Variants in LARP1B observed in about 807,000 individuals in gnomAD.
The protein encoded by LARP1B is La ribonucleoprotein 1B.
LARP1B carries 76 observed loss-of-function variants against 114.2 expected under a neutral mutation model. That is an observed-to-expected ratio of 0.67 (90% CI 0.55 to 0.81). The LOEUF is 0.81. Ranked by LOEUF, LARP1B falls within the 30% of genes least tolerant of loss-of-function variation. The pLI is 0.00. For synonymous variants in LARP1B, 345 were observed against 348.0 expected (o/e 0.99, Z 0.10); for missense variants, 1,014 against 1,075.8 (o/e 0.94, Z 0.80).
At chr4:128,161,599 A>T (rs1738543370) in intron 11 of LARP1B, among the ~76,000 whole-genome samples, 2 of 152,130 alleles carry the variant, frequency 1.3e-5, no homozygotes, top group Admixed American at 1.3e-4. Context: ...TTCTACACAG[A>T]TTTTCTTAGT....
intron 12 of LARP1B, among the ~76,000 whole-genome samples, chr4:128,176,303 T>TA (rs1561497759): frequency 7.1e-4 from 100 of 141,228 alleles, no homozygotes; most frequent in Middle Eastern, 3.6e-3. Context: ...ATATATATAT[T>TA]TTTTTTTTAG....
chr4:128,199,708 G>A, intron 16 of LARP1B, 109 bp downstream of exon 16: 1 of 478,548 alleles, frequency 2.1e-6, no homozygotes, highest in Non-Finnish European at 3.4e-6. Context: ...TTTATTGTTA[G>A]ACTATACATA....
chr4:128,092,438 C>T (rs944382023), intron 7 of LARP1B, among the ~76,000 whole-genome samples: 6 of 152,070 alleles, frequency 3.9e-5, no homozygotes, highest in East Asian at 3.8e-4. Context: ...AAAAAACAAA[C>T]CCTATGCATA....
In LARP1B at chr4:128,200,613, A is replaced by G; in HGVS notation, c.2257A>G (p.Met753Val). The change falls in exon 17 of 20, where the codon ATG (methionine) becomes GTG (valine). Residue 753 changes from methionine (M) to valine (V), a missense_variant. Met to Val is a conservative substitution (Grantham distance 21). Transcript: ENST00000326639. ...CCTCAGAGATCACTTCAATAAAAAA[A>G]TGTATGAGGAATTTAGACAACTTGC... ...FFLRDHFNKK[M>V]YEEFRQLAWE... The G allele has an allele frequency of 6.3e-7, 1 of 1,591,736 alleles. No individual in the cohort carries two copies. The highest frequency in any genetic ancestry group is 1.2e-5 in the South Asian group (1 of 85,332).
At chr4:128,090,626 A>G (rs1002761576) in intron 5 of LARP1B, among the ~76,000 whole-genome samples, 4 of 152,230 alleles carry the variant, frequency 2.6e-5, no homozygotes, top group African/African-American at 9.6e-5. Context: ...ATTTACTTAA[A>G]TAGAACCATC....
chr4:128,155,116 T>C (rs1254210610), intron 11 of LARP1B, among the ~76,000 whole-genome samples: 1 of 152,112 alleles, frequency 6.6e-6, no homozygotes, highest in Non-Finnish European at 1.5e-5. Context: ...ATCTCTTTGG[T>C]CCCTTTTTGA....
intron 4 of LARP1B, among the ~76,000 whole-genome samples, chr4:128,078,997 T>C (rs1037571669): frequency 6.6e-6 from 1 of 152,130 alleles, no homozygotes; most frequent in Non-Finnish European, 1.5e-5. Context: ...GGAGGTGATA[T>C]GGCATGGGAG....
At chr4:128,108,953 A>G (rs973032357) in intron 9 of LARP1B, 4 of 434,962 alleles carry the variant, frequency 9.2e-6, no homozygotes, top group African/African-American at 8.6e-5. Context: ...GCATGCACAT[A>G]CATATTGTCT....
intron 10 of LARP1B, among the ~76,000 whole-genome samples, chr4:128,118,493 C>T (rs551380920): frequency 3.3e-5 from 5 of 151,932 alleles, no homozygotes; most frequent in African/African-American, 1.2e-4. Flanking sequence ...GCCTCAGCCT[C>T]CCAAAGTGCT....
At chr4:128,188,123 C>T (rs1034289877) in intron 15 of LARP1B, among the ~76,000 whole-genome samples, 6 of 150,798 alleles carry the variant, frequency 4.0e-5, no homozygotes, top group African/African-American at 1.5e-4. Context: ...TGCCCAGGCT[C>T]AAGTGCAGTG....
intron 10 of LARP1B, among the ~76,000 whole-genome samples, chr4:128,121,094 C>T (rs1787817013): frequency 6.6e-6 from 1 of 152,142 alleles, no homozygotes; most frequent in Non-Finnish European, 1.5e-5. Flanking sequence ...TAGGTGTGAG[C>T]CACTGCACCT....
chr4:128,126,687 T>C (rs1451782460), intron 11 of LARP1B, among the ~76,000 whole-genome samples: 2 of 152,058 alleles, frequency 1.3e-5, no homozygotes, highest in Admixed American at 6.6e-5. Context: ...AGCAAAGAAA[T>C]AGAATATATG....
chr4:128,076,128 C>T (rs1240754543), intron 3 of LARP1B, among the ~76,000 whole-genome samples: 1 of 152,152 alleles, frequency 6.6e-6, no homozygotes, highest in South Asian at 2.1e-4. Context: ...ATTCTCCTGC[C>T]TCAGCCTCCT....
intron 13 of LARP1B, among the ~76,000 whole-genome samples, chr4:128,178,229 G>A (rs1212035972): frequency 6.6e-6 from 1 of 151,536 alleles, no homozygotes. Context: ...AAGAAAAAAA[G>A]GTCATAAACA....
At chr4:128,089,497 G>T (rs941027828) in intron 5 of LARP1B, among the ~76,000 whole-genome samples, 4 of 151,612 alleles carry the variant, frequency 2.6e-5, no homozygotes, top group African/African-American at 4.8e-5. Context: ...CACTATGTCT[G>T]GCTAATTTTT....
intron 1 of LARP1B, among the ~76,000 whole-genome samples, chr4:128,067,011 T>C (rs551660119): frequency 6.6e-6 from 1 of 151,968 alleles, no homozygotes; most frequent in East Asian, 1.9e-4. Flanking sequence ...TTTTACCACG[T>C]TGGCCAGGCT....
chr4:128,188,449 CA>C (rs1365642672), intron 15 of LARP1B, among the ~76,000 whole-genome samples: 2 of 152,064 alleles, frequency 1.3e-5, no homozygotes, highest in Non-Finnish European at 2.9e-5. Flanking sequence ...TTTATCTTTT[CA>C]AAAAACCAAC....
chr4:128,077,802 C>T lies in LARP1B; in HGVS notation c.57C>T (p.Leu19=). The T allele has an allele frequency of 6.3e-7, 1 of 1,590,874 alleles. No homozygotes were observed. Among genetic ancestry groups the T allele is most frequent in the East Asian group, 2.2e-5 (1 of 44,596 alleles). The change falls in exon 4 of 20, where the codon CTC becomes CTT. Residue 19 remains leucine (L), a synonymous_variant. Transcript: ENST00000326639. ...ELVNTGFQSV[L]SQGNKKPQNR... ...CCTTTTTGCAGTTTCAGAGCGTCCT[C>T]AGCCAAGGAAATAAAAAGCCACAAA...
At chr4:128,070,093 C>T (rs1207702623) in intron 1 of LARP1B, among the ~76,000 whole-genome samples, 4 of 151,688 alleles carry the variant, frequency 2.6e-5, no homozygotes, top group African/African-American at 7.3e-5. Flanking sequence ...CTGAGGTGGG[C>T]GGATCATGAG....
Sources: gnomAD v4.1 joint callset for allele counts (sites outside exome capture counted in the v4.1 genomes callset) on GRCh38, gnomAD v4.1.1 for gene constraint, MANE v1.5 for transcripts, NCBI Gene and HGNC (gene_info 2026-07-23, HGNC 2026-07-21) for gene names.